Variants in TEKT5 observed in about 807,000 individuals in gnomAD.
TEKT5 encodes the protein tektin 5.
Under a neutral mutation model 48.7 loss-of-function variants are expected in TEKT5, and 52 were observed. The ratio of observed to expected loss-of-function variants is 1.07; its 90% confidence interval spans 0.86 to 1.35. TEKT5 has a LOEUF of 1.35. Among genes scored for constraint, TEKT5 ranks in the 40% most tolerant of loss-of-function variants. The pLI, the probability that TEKT5 is intolerant of heterozygous loss-of-function variation, is 0.00. For missense variants in TEKT5, 831 were observed against 641.6 expected (o/e 1.30, Z -3.19); for synonymous variants, 318 against 267.6 (o/e 1.19, Z -1.84).
intron 5 of TEKT5, among the ~76,000 whole-genome samples, chr16:10,654,954 C>A (rs1335555185): frequency 2.3e-5 from 3 of 131,370 alleles, no homozygotes; most frequent in Non-Finnish European, 1.6e-5. Flanking sequence ...ACCCCCCCCC[C>A]CCAGTCTGTG....
chr16:10,670,318 G>C (rs1369922191), intron 5 of TEKT5, among the ~76,000 whole-genome samples: 1 of 152,184 alleles, frequency 6.6e-6, no homozygotes, highest in South Asian at 2.1e-4. Context: ...CCTGGGATCA[G>C]GAGTTTGAGA....
At chr16:10,642,755 C>T (rs960988550) in intron 5 of TEKT5, among the ~76,000 whole-genome samples, 1 of 152,134 alleles carries the variant, frequency 6.6e-6, no homozygotes, top group African/African-American at 2.4e-5. Context: ...ACACCACATG[C>T]TCTCACTCAT....
intron 5 of TEKT5, among the ~76,000 whole-genome samples, chr16:10,644,084 C>T (rs534669056): frequency 6.6e-6 from 1 of 152,122 alleles, no homozygotes; most frequent in South Asian, 2.1e-4. Context: ...TCACATTTTT[C>T]GCTTTTTCAA....
chr16:10,690,552 G>A (rs1444408797), intron 1 of TEKT5: 3 of 984,230 alleles, frequency 3.0e-6, no homozygotes, highest in African/African-American at 3.5e-5. Context: ...GGTGAAGTCG[G>A]CTTGACAAGT....
intron 5 of TEKT5, among the ~76,000 whole-genome samples, chr16:10,659,845 T>C (rs2142285051): frequency 6.6e-6 from 1 of 152,234 alleles, no homozygotes; most frequent in Non-Finnish European, 1.5e-5. Context: ...CAGGGTTTTG[T>C]TTTGGGGTGA....
Position 10,694,744 on chromosome 16 carries a change from A to G in TEKT5, c.130T>C (p.Tyr44His). 6.2e-7 allele frequency: 1 copy of G among 1,614,056 alleles called. No homozygotes were observed. The highest frequency in any genetic ancestry group is 8.5e-7 in the Non-Finnish European group (1 of 1,179,966). Residue 44 changes from tyrosine (Y) to histidine (H), a missense_variant, in exon 1 of 7, where the codon TAC becomes CAC. Coordinates refer to ENST00000283025, the MANE Select transcript of TEKT5 (RefSeq NM_144674.2). ...GGCCTCCATGAATTGAGGTAGCGGTACCCGGGCAGGTAGTAGGGCTGATAG... is the reference window on the plus strand; with the variant it reads ...GGCCTCCATGAATTGAGGTAGCGGTGCCCGGGCAGGTAGTAGGGCTGATAG... ...ECYQPYYLPG[Y>H]RYLNSWRPSL... is the part of the protein sequence containing the mutation.
intron 5 of TEKT5, among the ~76,000 whole-genome samples, chr16:10,653,798 A>T (rs1596406644): frequency 6.6e-6 from 1 of 152,190 alleles, no homozygotes; most frequent in Non-Finnish European, 1.5e-5. Context: ...CTGTAATCTC[A>T]GCTATTTGGG....
chr16:10,683,570 T>A (rs1898798062), intron 3 of TEKT5, among the ~76,000 whole-genome samples: 1 of 152,264 alleles, frequency 6.6e-6, no homozygotes, highest in African/African-American at 2.4e-5. Flanking sequence ...TTATTTTTCC[T>A]TTTTAAAATC....
chr16:10,694,590 T>C lies in TEKT5; in HGVS notation c.284A>G (p.Asp95Gly). The change falls in exon 1 of 7, where the codon GAC (aspartate) becomes GGC (glycine). Residue 95 changes from aspartate (D) to glycine (G), a missense_variant. Coordinates refer to ENST00000283025, the MANE Select transcript of TEKT5 (RefSeq NM_144674.2). The part of the protein sequence containing the change: ...LFSRYSPHDW[D>G]QSNQLQVRGA... ...ACGCACCTGCAGCTGGTTGGACTGG[T>C]CCCAGTCGTGGGGGCTATAGCGAGA... is the stretch of plus-strand genomic sequence containing the variant. 1 of 1,607,188 alleles carries C rather than the reference T, an allele frequency of 6.2e-7. No homozygotes were observed. Among genetic ancestry groups the C allele is most frequent in the Non-Finnish European group, 8.5e-7 (1 of 1,176,570 alleles).
chr16:10,672,716 T>C (rs146538481), intron 5 of TEKT5, among the ~76,000 whole-genome samples: 150 of 152,254 alleles, frequency 9.9e-4, no homozygotes, highest in African/African-American at 3.4e-3. Flanking sequence ...TGAAAACATA[T>C]AGGCAAGTAA....
chr16:10,649,755 G>C (rs552354999), intron 5 of TEKT5, among the ~76,000 whole-genome samples: 39 of 152,238 alleles, frequency 2.6e-4, no homozygotes, highest in African/African-American at 8.9e-4. Context: ...AAATTTTTAG[G>C]TGACTCAGTT....
chr16:10,648,669 T>G (rs1898107898), intron 5 of TEKT5, among the ~76,000 whole-genome samples: 1 of 152,174 alleles, frequency 6.6e-6, no homozygotes, highest in South Asian at 2.1e-4. Flanking sequence ...AATGAGACAG[T>G]TACCTCCTTG....
intron 5 of TEKT5, among the ~76,000 whole-genome samples, chr16:10,644,428 G>T (rs1439906744): frequency 6.6e-6 from 1 of 152,172 alleles, no homozygotes; most frequent in East Asian, 1.9e-4. Flanking sequence ...TATTATCTAT[G>T]CAGATCCTTG....
At chr16:10,631,034 G>A (rs138881825) in intron 6 of TEKT5, among the ~76,000 whole-genome samples, 62 of 150,216 alleles carry the variant, frequency 4.1e-4, no homozygotes, top group African/African-American at 1.5e-3. Flanking sequence ...ATGGTGAAAC[G>A]CAGTCCCTAC....
rs776516550 is a variant in TEKT5 at position 10,694,748 on chromosome 16, G to A, written c.126C>T (p.Pro42=). 2.3e-5 allele frequency: 37 copies of A among 1,614,006 alleles called. No individual in the cohort carries two copies. Among genetic ancestry groups the A allele is most frequent in the East Asian group, 1.3e-4 (6 of 44,894 alleles). Reference sequence around the variant, plus strand: ...TCCATGAATTGAGGTAGCGGTACCCGGGCAGGTAGTAGGGCTGATAGCATT... The same window carrying A: ...TCCATGAATTGAGGTAGCGGTACCCAGGCAGGTAGTAGGGCTGATAGCATT... ...IQECYQPYYL[P]GYRYLNSWRP... is the part of the protein sequence containing the mutation. The change falls in exon 1 of 7, where the codon CCC becomes CCT. Residue 42 remains proline (P), a synonymous_variant. Coordinates refer to ENST00000283025, the MANE Select transcript of TEKT5 (RefSeq NM_144674.2).
At chr16:10,646,174 A>G (rs531373157) in intron 5 of TEKT5, among the ~76,000 whole-genome samples, 1 of 152,282 alleles carries the variant, frequency 6.6e-6, no homozygotes, top group South Asian at 2.1e-4. Flanking sequence ...ATTCAAGTTT[A>G]AATGGACATC....
At chr16:10,644,389 T>A (rs1447650137) in intron 5 of TEKT5, among the ~76,000 whole-genome samples, 3 of 152,142 alleles carry the variant, frequency 2.0e-5, no homozygotes, top group African/African-American at 7.2e-5. Context: ...CGTTCGCAGA[T>A]CCCCACATCG....
At chr16:10,639,873 T>C (rs1897965785) in intron 5 of TEKT5, among the ~76,000 whole-genome samples, 1 of 152,180 alleles carries the variant, frequency 6.6e-6, no homozygotes, top group South Asian at 2.1e-4. Flanking sequence ...CCCCTCTGCA[T>C]CTGCATCCTA....
intron 5 of TEKT5, among the ~76,000 whole-genome samples, chr16:10,652,719 A>ACACACACT (rs1567228354): frequency 1.1e-5 from 1 of 89,500 alleles, no homozygotes. Context: ...ACACACACAC[A>ACACACACT]CACACCCTCC....
Sources: allele counts gnomAD v4.1 joint callset (sites outside exome capture counted in the v4.1 genomes callset), GRCh38; gene constraint gnomAD v4.1.1; transcripts MANE v1.5; gene names NCBI Gene and HGNC (gene_info 2026-07-23, HGNC 2026-07-21).